AKT2: variants seen among roughly 807,000 people sequenced by gnomAD.
AKT2 encodes RAC-beta serine/threonine-protein kinase.
In AKT2, 16 loss-of-function variants were observed where a neutral mutation model predicts 58.6. The ratio of observed to expected loss-of-function variants is 0.27; its 90% CI spans 0.18 to 0.41. The LOEUF (loss-of-function observed/expected upper bound fraction) is 0.41. Ranked by LOEUF, AKT2 falls within the 10% of genes least tolerant of loss-of-function variation. The probability of loss-of-function intolerance (pLI) is 1.00; values close to 1 mark genes in which losing one functional copy is unlikely to be tolerated. For missense variants in AKT2, 438 were observed against 661.0 expected, an observed-to-expected ratio of 0.66 and a Z score of 3.70; for synonymous variants, 253 against 254.0, an observed-to-expected ratio of 1.00 and a Z score of 0.04.
chr19:40,236,653 G>C (rs1011085641), intron 9 of AKT2: 4 of 525,278 alleles, frequency 7.6e-6, no homozygotes, highest in African/African-American at 1.9e-5. Flanking sequence ...TCCCCATTGT[G>C]AACTGTGGTT....
intron 1 of AKT2, among the ~76,000 whole-genome samples, chr19:40,284,503 T>C (rs879584869): frequency 4.6e-5 from 7 of 152,108 alleles, no homozygotes; most frequent in Admixed American, 1.3e-4. Flanking sequence ...CAATAAAGGC[T>C]GAGATCAGTG....
rs1199258923 is a variant in AKT2, at chr19:40,233,442, C to G, written c.*430G>C. 1.2e-5 allele frequency: 6 copies of G among 509,742 alleles called. No homozygotes were observed. Among genetic ancestry groups the G allele is most frequent in the Non-Finnish European group, 1.9e-5 (5 of 266,208 alleles). The allele number at this position is 509,742 out of a possible 1,614,324, so 31.6% of individuals were successfully genotyped here. On this transcript the variant is annotated 3_prime_UTR_variant, in exon 14 of 14. Coordinates refer to ENST00000392038, the MANE Select transcript of AKT2 (RefSeq NM_001626.6). This position sits in a 1 kb window ranked among gnomAD's most constrained non-coding sequence, Gnocchi z 4.3. The stretch of plus-strand genomic sequence containing the variant: ...AGCCTAGGCCACGGGGCCTGGAAGG[C>G]AGCACCACTGTCTGCCGGGTGTCGC...
intron 4 of AKT2, among the ~76,000 whole-genome samples, chr19:40,246,236 C>G (rs1249122431): frequency 6.6e-6 from 1 of 151,966 alleles, no homozygotes; most frequent in African/African-American, 2.4e-5. Flanking sequence ...CAGGTTTAAG[C>G]GATTCTCCTG....
Position 40,255,238 on chromosome 19 carries a change from T to G in AKT2, c.207A>C (p.Arg69=). ...ECQLMKTERP[R]PNTFVIRCLQ... ...GGCAGCGTATGACAAAGGTGTTGGG[T>G]CGCGGCCTCTCGGTCTTCATCAGCT... Residue 69 remains arginine (R), a synonymous_variant, in exon 4 of 14, where the codon CGA becomes CGC. Transcript: ENST00000392038. 1 of 1,613,904 alleles carries G rather than the reference T, an allele frequency of 6.2e-7. No homozygotes were observed. Among genetic ancestry groups the G allele is most frequent in the Non-Finnish European group, 8.5e-7 (1 of 1,179,896 alleles).
intron 6 of AKT2, chr19:40,241,495 C>T (rs188347804): frequency 2.6e-5 from 7 of 267,404 alleles, no homozygotes; most frequent in East Asian, 1.0e-4. Flanking sequence ...ACATGGGGGT[C>T]CGTAATATTT....
At position 40,232,374 on chromosome 19, in the gene AKT2, G is replaced by C. The variant is rs1201064668; in HGVS notation, c.*1498C>G. The stretch of plus-strand genomic sequence containing the variant: ...TTTATTGCTTGTACCGTACAAATAT[G>C]AAGACGAGGAGAAAGGCCAGTAGGG... On this transcript the variant is annotated 3_prime_UTR_variant, in exon 14 of 14. Coordinates refer to ENST00000392038, the MANE Select transcript of AKT2 (RefSeq NM_001626.6). 1 of 233,542 alleles carries C rather than the reference G, an allele frequency of 4.3e-6. No individual in the cohort carries two copies. Among genetic ancestry groups the C allele is most frequent in the African/African-American group, 2.2e-5 (1 of 45,274 alleles). 14.5% of individuals were successfully genotyped at this position (233,542 alleles called of 1,614,324 possible).
chr19:40,232,217 C>T lies in AKT2; in HGVS notation c.*1655G>A, dbSNP rs1973738101. ...AGCTGCCCTCACCCTGAGCTCAGTG[C>T]CCTCCTTGCTGAAGGGAACGGCTAG... On this transcript the variant is annotated 3_prime_UTR_variant, in exon 14 of 14. Transcript: ENST00000392038. The T allele has an allele frequency of 8.6e-6, 2 of 233,826 alleles. No individual in the cohort carries two copies. The highest frequency in any genetic ancestry group is 2.2e-5 in the African/African-American group (1 of 45,460). 14.5% of individuals were successfully genotyped at this position (233,826 alleles called of 1,614,324 possible).
Position 40,242,433 on chromosome 19 carries a change from T to G in AKT2, c.441+101A>C. Reference sequence around the variant, plus strand: ...CTGCAGGGCAGCCTTGTCTCTCAGCTGAGCCCCCTGAACTGTGTTATGGAA... The same window carrying G: ...CTGCAGGGCAGCCTTGTCTCTCAGCGGAGCCCCCTGAACTGTGTTATGGAA... On this transcript the variant is annotated intron_variant, in intron 5 of 13. Transcript: ENST00000392038. This position sits in a 1 kb window ranked among gnomAD's most constrained non-coding sequence, Gnocchi z 4.3. 4 of 1,548,920 alleles carry G rather than the reference T, an allele frequency of 2.6e-6. No homozygotes were observed. Among genetic ancestry groups the G allele is most frequent in the Non-Finnish European group, 3.5e-6 (4 of 1,132,190 alleles).
intron 3 of AKT2, 163 bp from the exon 4 acceptor site, chr19:40,255,432 G>T: frequency 1.7e-6 from 1 of 590,498 alleles, no homozygotes; most frequent in Non-Finnish European, 3.1e-6. Context: ...ACAGGGCTCA[G>T]GGTCTAGTGT....
At chr19:40,264,357 A>G (rs1285965002) in intron 2 of AKT2, among the ~76,000 whole-genome samples, 3 of 152,056 alleles carry the variant, frequency 2.0e-5, no homozygotes, top group Non-Finnish European at 4.4e-5. Flanking sequence ...TCCCTGTCCT[A>G]ACTTCACTAA....
chr19:40,233,090 A>C lies in AKT2; in HGVS notation c.*782T>G. The C allele has an allele frequency of 4.2e-6, 1 of 237,402 alleles. No individual in the cohort carries two copies. Among genetic ancestry groups the C allele is most frequent in the Admixed American group, 5.5e-5 (1 of 18,320 alleles). The allele number at this position is 237,402 out of a possible 1,614,324, so 14.7% of individuals were successfully genotyped here. A position where few individuals can be genotyped will look rare whatever the true frequency, so the allele number is the denominator to read the frequency against. On this transcript the variant is annotated 3_prime_UTR_variant, in exon 14 of 14. Coordinates refer to ENST00000392038, the MANE Select transcript of AKT2 (RefSeq NM_001626.6). The surrounding 1 kb of genome is among the most constrained non-coding windows in gnomAD (Gnocchi z 4.3). ...CAGGCCAGGCCCAGGGTCCAGCGGG[A>C]GGTAAGGCCAGCTGGAAGGAAGCCC... is the stretch of plus-strand genomic sequence containing the variant.
chr19:40,234,591 T>G lies in AKT2; in HGVS notation c.1366+454A>C. Reference sequence around the variant, plus strand: ...CCCTAACTGCAGGCCAGGTCGGATATTTCCTCTGGGATTCCCCAGTCCCTG... The same window carrying G: ...CCCTAACTGCAGGCCAGGTCGGATAGTTCCTCTGGGATTCCCCAGTCCCTG... On this transcript the variant is annotated intron_variant, in intron 13 of 13. Coordinates refer to ENST00000392038, the MANE Select transcript of AKT2 (RefSeq NM_001626.6). This position sits in a 1 kb window ranked among gnomAD's most constrained non-coding sequence, Gnocchi z 4.7. 2.4e-6 allele frequency: 1 copy of G among 417,480 alleles called. No homozygotes were observed. The highest frequency in any genetic ancestry group is 2.0e-5 in the African/African-American group (1 of 49,892). 25.9% of individuals were successfully genotyped at this position (417,480 alleles called of 1,614,324 possible).
At chr19:40,276,428 C>A (rs1383499065) in intron 1 of AKT2, among the ~76,000 whole-genome samples, 1 of 120,902 alleles carries the variant, frequency 8.3e-6, no homozygotes, top group Admixed American at 1.1e-4. Context: ...TGCAGTAGTG[C>A]GATCTTGGCT....
chr19:40,230,687 T>C lies in AKT2; in HGVS notation c.*3185A>G, dbSNP rs192361924. The stretch of plus-strand genomic sequence containing the variant: ...GAATTTCCTTTCTTATACTCCTGCT[T>C]TGCTGTCTTTTTTAATAGCATGTAT... On this transcript the variant is annotated 3_prime_UTR_variant, in exon 14 of 14. Transcript: ENST00000392038. The C allele has an allele frequency of 9.6e-4, 212 of 220,596 alleles. 1 individual carries two copies. In the East Asian group the frequency reaches 0.011, roughly 11 times the overall value. 13.7% of individuals were successfully genotyped at this position (220,596 alleles called of 1,614,324 possible). A position where few individuals can be genotyped will look rare whatever the true frequency, so the allele number is the denominator to read the frequency against.
chr19:40,268,261 G>A (rs1487574639), intron 1 of AKT2, among the ~76,000 whole-genome samples: 2 of 152,200 alleles, frequency 1.3e-5, no homozygotes, highest in African/African-American at 2.4e-5. Context: ...GGCCCACAGC[G>A]GCCCAGGGAC....
At chr19:40,263,972 T>C (rs1227717845) in intron 2 of AKT2, among the ~76,000 whole-genome samples, 2 of 152,000 alleles carry the variant, frequency 1.3e-5, no homozygotes, top group South Asian at 4.1e-4. Flanking sequence ...CATCCTCACG[T>C]TGCTTGTTTT....
intron 2 of AKT2, among the ~76,000 whole-genome samples, chr19:40,257,620 C>CAT (rs1975635841): frequency 6.7e-6 from 1 of 149,644 alleles, no homozygotes; most frequent in South Asian, 2.1e-4. Context: ...CACACACACA[C>CAT]GAACCCACTC....
At chr19:40,249,803 T>C (rs1975011853) in intron 4 of AKT2, among the ~76,000 whole-genome samples, 1 of 152,260 alleles carries the variant, frequency 6.6e-6, no homozygotes, top group Non-Finnish European at 1.5e-5. Flanking sequence ...GTGTGCCAGA[T>C]ACATACATAA....
intron 4 of AKT2, among the ~76,000 whole-genome samples, chr19:40,244,825 C>G (rs1397698022): frequency 2.0e-5 from 3 of 152,242 alleles, no homozygotes; most frequent in South Asian, 4.1e-4. Context: ...CAAGGTCAGG[C>G]AGGGAACAAG....
Sources: allele counts gnomAD v4.1 joint callset (sites outside exome capture counted in the v4.1 genomes callset), GRCh38; gene constraint gnomAD v4.1.1; non-coding constraint Gnocchi (gnomAD v3.1); transcripts MANE v1.5; gene names NCBI Gene and HGNC (gene_info 2026-07-23, HGNC 2026-07-21).